The following GLCE variants were observed in gnomAD, a reference collection of about 807,000 sequenced individuals.
GLCE encodes the protein D-glucuronyl C5-epimerase.
Under a neutral mutation model 47.9 loss-of-function variants are expected in GLCE, and 19 were observed. The ratio of observed to expected loss-of-function variants is 0.40; its 90% confidence interval spans 0.28 to 0.58. The LOEUF (loss-of-function observed/expected upper bound fraction) is 0.58, where lower values mean the gene tolerates loss of function less well. Among genes scored for constraint, GLCE ranks in the 20% least tolerant of loss-of-function variants. GLCE has a pLI of 0.48. For synonymous variants in GLCE, 245 were observed against 263.4 expected, an observed-to-expected ratio of 0.93 and a Z score of 0.68; for missense variants, 556 against 743.3, an observed-to-expected ratio of 0.75 and a Z score of 2.93.
chr15:69,242,009 TA>T (rs1344632522), intron 2 of GLCE, among the ~76,000 whole-genome samples: 1 of 152,232 alleles, frequency 6.6e-6, no homozygotes, highest in Non-Finnish European at 1.5e-5. Flanking sequence ...TAGTATTTTC[TA>T]TTGTAAAATA....
At chr15:69,174,455 C>CA (rs1465124737) in intron 1 of GLCE, among the ~76,000 whole-genome samples, 1 of 151,962 alleles carries the variant, frequency 6.6e-6, no homozygotes, top group African/African-American at 2.4e-5. Context: ...ACTAAAAATA[C>CA]AAAAATTAGC....
rs2053147178 is a variant in GLCE, at chr15:69,270,269, A to G, written c.*1025A>G. ...AAAGTTTTTTTTTCCTACCAAGATC[A>G]TTCTTGATCATCAGCTTCCCAAACT... On this transcript the variant is annotated 3_prime_UTR_variant, in exon 5 of 5. Transcript: ENST00000261858. The G allele has an allele frequency of 6.6e-6, 1 of 152,086 alleles. No individual in the cohort carries two copies. 9.4% of individuals were successfully genotyped at this position (152,086 alleles called of 1,614,324 possible). A position where few individuals can be genotyped will look rare whatever the true frequency, so the allele number is the denominator to read the frequency against.
chr15:69,202,436 A>G (rs190551672), intron 1 of GLCE, among the ~76,000 whole-genome samples: 15 of 152,120 alleles, frequency 9.9e-5, no homozygotes, highest in Middle Eastern at 3.2e-3. Flanking sequence ...CAGAGCTTCT[A>G]TCTTCCTCAT....
At position 69,190,570 on chromosome 15, in the gene GLCE, T is replaced by C. The variant is rs1208158786; in HGVS notation, c.-104-19746T>C. ...TAATAATCTTTACTGTAAAATATAC[T>C]TTATCTGTTATTAATATAGATACTC... On this transcript the variant is annotated intron_variant, in intron 1 of 4. Coordinates refer to ENST00000261858, the MANE Select transcript of GLCE (RefSeq NM_015554.3). 2.0e-5 allele frequency among the ~76,000 whole-genome samples: 3 copies of C among 152,168 alleles called. No homozygotes were observed. In the South Asian group the frequency reaches 6.2e-4, roughly 31 times the overall value.
intron 1 of GLCE, among the ~76,000 whole-genome samples, chr15:69,168,719 A>T (rs748177446): frequency 6.6e-6 from 1 of 151,994 alleles, no homozygotes; most frequent in African/African-American, 2.4e-5. Context: ...TTTAGTAGAG[A>T]TGGGATTTCT....
intron 1 of GLCE, among the ~76,000 whole-genome samples, chr15:69,174,841 C>T (rs2051638495): frequency 6.6e-6 from 1 of 152,050 alleles, no homozygotes; most frequent in Admixed American, 6.6e-5. Flanking sequence ...TAGGACTTAA[C>T]CCTGATCCAT....
rs971609583 is a variant in GLCE, at chr15:69,270,772, T to G, written c.*1528T>G. 6.6e-6 allele frequency: 1 copy of G among 152,210 alleles called. No homozygotes were observed. The highest frequency in any genetic ancestry group is 1.9e-4 in the East Asian group (1 of 5,206). The allele number at this position is 152,210 out of a possible 1,614,324, so 9.4% of individuals were successfully genotyped here. On this transcript the variant is annotated 3_prime_UTR_variant, in exon 5 of 5. Transcript: ENST00000261858. Reference sequence around the variant, plus strand: ...GGCAGAAGCAAAGAAGATACAGATCTGCACTGAAGACATTAGACTGGCCAT... The same window carrying G: ...GGCAGAAGCAAAGAAGATACAGATCGGCACTGAAGACATTAGACTGGCCAT...
At chr15:69,179,858 A>C (rs886808544) in intron 1 of GLCE, among the ~76,000 whole-genome samples, 4 of 152,028 alleles carry the variant, frequency 2.6e-5, no homozygotes, top group African/African-American at 9.7e-5. Context: ...GTGGTGGTGC[A>C]TGCCTGTAGT....
intron 4 of GLCE, chr15:69,266,638 C>T (rs907547336): frequency 3.3e-6 from 1 of 298,724 alleles, no homozygotes; most frequent in Admixed American, 6.5e-5. Flanking sequence ...CTGATCTTTG[C>T]TCCTGGTGAC....
At chr15:69,195,236 A>T (rs1006063275) in intron 1 of GLCE, among the ~76,000 whole-genome samples, 1 of 152,190 alleles carries the variant, frequency 6.6e-6, no homozygotes, top group Non-Finnish European at 1.5e-5. Context: ...AATGATATTT[A>T]TAAGTATTTT....
chr15:69,169,392 T>C (rs1361190264), intron 1 of GLCE, among the ~76,000 whole-genome samples: 1 of 152,130 alleles, frequency 6.6e-6, no homozygotes. Context: ...TACACACATA[T>C]ACACACATAA....
At chr15:69,234,423 T>G (rs2052567936) in intron 2 of GLCE, among the ~76,000 whole-genome samples, 1 of 152,186 alleles carries the variant, frequency 6.6e-6, no homozygotes, top group African/African-American at 2.4e-5. Flanking sequence ...TGCCAAATAT[T>G]TGTAATTCAG....
chr15:69,268,604 T>G lies in GLCE; in HGVS notation c.1214T>G (p.Phe405Cys), dbSNP rs199887009. The G allele has an allele frequency of 6.2e-7, 1 of 1,614,072 alleles. No individual in the cohort carries two copies. Among genetic ancestry groups the G allele is most frequent in the Non-Finnish European group, 8.5e-7 (1 of 1,180,042 alleles). Residue 405 changes from phenylalanine to cysteine, a missense_variant, in exon 5 of 5, where the codon TTT becomes TGT. By Grantham distance (205) the Phe-to-Cys change is radical. Transcript: ENST00000261858. ...TCTACCACAGCCCACATGGCTGCAT[T>G]TTTTGCTGCTAGTGATTGGCTAGTA... The part of the protein sequence containing the change: ...TISTTAHMAA[F>C]FAASDWLVRN...
rs1409399034 is a variant in GLCE, at chr15:69,268,959, A to C, written c.1569A>C (p.Lys523Asn). 1 of 1,614,226 alleles carries C rather than the reference A, an allele frequency of 6.2e-7. No individual in the cohort carries two copies. Among genetic ancestry groups the C allele is most frequent in the South Asian group, 1.1e-5 (1 of 91,086 alleles). The change falls in exon 5 of 5, where the codon AAA becomes AAC. Residue 523 changes from lysine (K) to asparagine (N), a missense_variant. Physicochemically the swap from Lys to Asn is moderately conservative, Grantham distance 94. This residue lies in a region of GLCE where 245 missense variants were observed against 368.1 expected (regional missense o/e 0.67). Coordinates refer to ENST00000261858, the MANE Select transcript of GLCE (RefSeq NM_015554.3). ...CTTTAATTGGGCTGTATGACTTAAAAGAAACTGCAGGGGAAAAACTCGGAA... is the reference window on the plus strand; with the variant it reads ...CTTTAATTGGGCTGTATGACTTAAACGAAACTGCAGGGGAAAAACTCGGAA... ...MYSLIGLYDL[K>N]ETAGEKLGKE...
intron 1 of GLCE, among the ~76,000 whole-genome samples, chr15:69,174,635 A>G (rs1323442744): frequency 6.6e-6 from 1 of 151,768 alleles, no homozygotes; most frequent in Non-Finnish European, 1.5e-5. Context: ...ACAAAACAAA[A>G]CAAACAAACA....
chr15:69,202,079 C>T (rs2140364499), intron 1 of GLCE, among the ~76,000 whole-genome samples: 1 of 152,140 alleles, frequency 6.6e-6, no homozygotes, highest in South Asian at 2.1e-4. Context: ...TGTACCACAT[C>T]TGGCTATTTT....
At chr15:69,267,027 A>G (rs2053096275) in intron 4 of GLCE, among the ~76,000 whole-genome samples, 2 of 150,516 alleles carry the variant, frequency 1.3e-5, no homozygotes, top group African/African-American at 4.9e-5. Context: ...ATATTTTAAA[A>G]TTTGTACTAC....
intron 4 of GLCE, among the ~76,000 whole-genome samples, chr15:69,267,377 G>C (rs2053100793): frequency 6.6e-6 from 1 of 152,100 alleles, no homozygotes; most frequent in Admixed American, 6.5e-5. Context: ...GGTGCATCTT[G>C]CCAGACTTCT....
At position 69,270,549 on chromosome 15, in the gene GLCE, T is replaced by C. The variant is rs920764717; in HGVS notation, c.*1305T>C. On this transcript the variant is annotated 3_prime_UTR_variant, in exon 5 of 5. Coordinates refer to ENST00000261858, the MANE Select transcript of GLCE (RefSeq NM_015554.3). ...AGTACACTAAATCAATACTATATCTTATACAGTTTGAAAATATGATACCCT... is the reference window on the plus strand; with the variant it reads ...AGTACACTAAATCAATACTATATCTCATACAGTTTGAAAATATGATACCCT... The C allele has an allele frequency of 1.4e-4, 21 of 152,276 alleles. No homozygotes were observed. The highest frequency in any genetic ancestry group is 4.8e-4 in the African/African-American group (20 of 41,556). 9.4% of individuals were successfully genotyped at this position (152,276 alleles called of 1,614,324 possible).
Sources: gnomAD v4.1 joint callset for allele counts (sites outside exome capture counted in the v4.1 genomes callset) on GRCh38, gnomAD v4.1.1 for gene constraint, gnomAD v4.1.1 regional missense constraint, MANE v1.5 for transcripts, NCBI Gene and HGNC (gene_info 2026-07-23, HGNC 2026-07-21) for gene names.